The following CA10 variants were observed in gnomAD, a reference collection of about 807,000 sequenced individuals.
CA10 encodes carbonic anhydrase 10 (inactive).
Under a neutral mutation model 44.2 loss-of-function variants are expected in CA10, and 14 were observed. That is an observed-to-expected ratio of 0.32 (90% CI 0.21 to 0.50). The LOEUF is 0.50. Ranked by LOEUF, CA10 falls within the 20% of genes least tolerant of loss-of-function variation. The pLI is 0.99. For synonymous variants in CA10, 159 were observed against 141.6 expected, an observed-to-expected ratio of 1.12 and a Z score of -0.87; for missense variants, 350 against 409.7, an observed-to-expected ratio of 0.85 and a Z score of 1.26.
chr17:51,803,341 C>G (rs1357034513), intron 3 of CA10, among the ~76,000 whole-genome samples: 2 of 152,140 alleles, frequency 1.3e-5, no homozygotes, highest in African/African-American at 4.8e-5. Flanking sequence ...AAAGTAGCAG[C>G]AGGACTGGAC....
At chr17:52,135,109 A>G (rs1471066332) in intron 1 of CA10, 1 of 388,660 alleles carries the variant, frequency 2.6e-6, no homozygotes, top group Non-Finnish European at 5.2e-6. Flanking sequence ...CTATTGGCCA[A>G]GGGGACCCCA....
intron 3 of CA10, among the ~76,000 whole-genome samples, chr17:51,804,069 G>A: frequency 6.6e-6 from 1 of 152,116 alleles, no homozygotes; most frequent in East Asian, 1.9e-4. Context: ...GAGTCACTGT[G>A]CATAATAAAT....
intron 2 of CA10, among the ~76,000 whole-genome samples, chr17:52,051,874 A>C (rs532509000): frequency 3.2e-4 from 48 of 152,276 alleles, no homozygotes; most frequent in African/African-American, 1.2e-3. Flanking sequence ...ACACGGAATC[A>C]ACCTAAATGC....
At chr17:51,697,715 T>A (rs1403176462) in intron 4 of CA10, among the ~76,000 whole-genome samples, 1 of 152,216 alleles carries the variant, frequency 6.6e-6, no homozygotes. Flanking sequence ...GCCTGGCACA[T>A]AGAAGGCACC....
chr17:51,780,315 T>C (rs916106819), intron 3 of CA10, among the ~76,000 whole-genome samples: 7 of 152,190 alleles, frequency 4.6e-5, no homozygotes, highest in African/African-American at 1.7e-4. Context: ...GAGGAAGGCA[T>C]GCAGGCTCAT....
In CA10 at chr17:51,631,497, A is replaced by C. The variant is rs1240154977; in HGVS notation, c.*87T>G. ...AATGAGGCTTGGGGGAAAGAAGGAG[A>C]GAGAAGCAAGAAGGGGGACATTCTA... On this transcript the variant is annotated 3_prime_UTR_variant, in exon 9 of 9. Coordinates refer to ENST00000451037, the MANE Select transcript of CA10 (RefSeq NM_020178.5). 8.3e-7 allele frequency: 1 copy of C among 1,208,734 alleles called. No individual in the cohort carries two copies. The highest frequency in any genetic ancestry group is 1.2e-5 in the South Asian group (1 of 80,824). The allele number at this position is 1,208,734 out of a possible 1,614,324, so 74.9% of individuals were successfully genotyped here. A position where few individuals can be genotyped will look rare whatever the true frequency, so the allele number is the denominator to read the frequency against.
chr17:52,045,305 G>T (rs1986881894), intron 2 of CA10, among the ~76,000 whole-genome samples: 1 of 151,426 alleles, frequency 6.6e-6, no homozygotes, highest in African/African-American at 2.4e-5. Flanking sequence ...ATATTTCAAA[G>T]AACTATTTAA....
chr17:52,052,682 T>C (rs989723236), intron 2 of CA10, among the ~76,000 whole-genome samples: 1 of 152,034 alleles, frequency 6.6e-6, no homozygotes, highest in African/African-American at 2.4e-5. Flanking sequence ...CCTTGTAGTA[T>C]AATAGCTTTT....
intron 3 of CA10, among the ~76,000 whole-genome samples, chr17:51,825,304 TC>T (rs1033294876): frequency 4.0e-5 from 6 of 149,498 alleles, no homozygotes; most frequent in African/African-American, 1.5e-4. Flanking sequence ...CTTTTTTCCT[TC>T]TTTTTTTTTT....
At position 52,079,390 on chromosome 17, in the gene CA10, C is replaced by T. The variant is rs185312195; in HGVS notation, c.62-6997G>A. Among the ~76,000 whole-genome samples the T allele has an allele frequency of 6.2e-4, 93 of 150,996 alleles. 1 individual carries two copies. The East Asian group carries it at 0.015, about 25-fold the overall frequency. On this transcript the variant is annotated intron_variant, in intron 1 of 8. Coordinates refer to ENST00000451037, the MANE Select transcript of CA10 (RefSeq NM_020178.5). ...AGGAGAATCGCTTCAACCCGGGAGACGGAGGTTGTAGTGAGCAGAGATCAC... is the reference window on the plus strand; with the variant it reads ...AGGAGAATCGCTTCAACCCGGGAGATGGAGGTTGTAGTGAGCAGAGATCAC...
At chr17:51,834,778 G>A (rs896483430) in intron 3 of CA10, among the ~76,000 whole-genome samples, 3 of 152,194 alleles carry the variant, frequency 2.0e-5, no homozygotes, top group African/African-American at 7.2e-5. Context: ...GCTAAAAGGT[G>A]CCAATTAAAC....
At chr17:51,741,286 TC>T (rs1904451855) in intron 4 of CA10, among the ~76,000 whole-genome samples, 1 of 152,304 alleles carries the variant, frequency 6.6e-6, no homozygotes, top group East Asian at 1.9e-4. Context: ...AATTGTTCAA[TC>T]CTTTTGTGTC....
chr17:51,903,961 C>G (rs1012549631), intron 3 of CA10, among the ~76,000 whole-genome samples: 2 of 151,928 alleles, frequency 1.3e-5, no homozygotes, highest in African/African-American at 4.8e-5. Flanking sequence ...ATGGAAAAAT[C>G]TATGACCTGA....
intron 7 of CA10, among the ~76,000 whole-genome samples, 167 bp from the exon 8 acceptor site, chr17:51,633,817 G>A (rs751310343): frequency 1.3e-5 from 2 of 152,108 alleles, no homozygotes; most frequent in Non-Finnish European, 2.9e-5. Flanking sequence ...TTGAGCTGAA[G>A]GCCCATTATA....
At chr17:51,669,134 C>A (rs962926190) in intron 4 of CA10, among the ~76,000 whole-genome samples, 27 of 152,224 alleles carry the variant, frequency 1.8e-4, no homozygotes, top group Admixed American at 1.1e-3. Context: ...GGAGTGCAGG[C>A]GCGGGACCAG....
intron 4 of CA10, among the ~76,000 whole-genome samples, chr17:51,723,131 G>A (rs914194974): frequency 1.3e-5 from 2 of 152,164 alleles, no homozygotes; most frequent in Non-Finnish European, 2.9e-5. Flanking sequence ...TGCTTCCCAT[G>A]TGTGGGACTG....
At chr17:52,152,033 A>G (rs16951051) in intron 1 of CA10, among the ~76,000 whole-genome samples, 26,114 of 151,882 alleles carry the variant, frequency 0.17, 2,450 homozygotes, top group African/African-American at 0.23. Flanking sequence ...AGAAACAACA[A>G]CCTTGAGAGG....
chr17:52,015,554 A>C (rs555720768), intron 2 of CA10, among the ~76,000 whole-genome samples: 8 of 152,238 alleles, frequency 5.3e-5, no homozygotes, highest in African/African-American at 1.7e-4. Context: ...AGGCTTAAGG[A>C]GGAAGGCAAT....
At chr17:51,864,862 T>A (rs2143848166) in intron 3 of CA10, among the ~76,000 whole-genome samples, 1 of 152,270 alleles carries the variant, frequency 6.6e-6, no homozygotes, top group South Asian at 2.1e-4. Flanking sequence ...TGCAAACTGA[T>A]ATTTCAGGTG....
Sources: gnomAD v4.1 joint callset for allele counts (sites outside exome capture counted in the v4.1 genomes callset) on GRCh38, gnomAD v4.1.1 for gene constraint, MANE v1.5 for transcripts, NCBI Gene and HGNC (gene_info 2026-07-23, HGNC 2026-07-21) for gene names.